Variants in THRA observed in about 807,000 individuals in gnomAD.
THRA encodes the protein EAR-7.
In THRA, 13 loss-of-function variants were observed where a neutral mutation model predicts 45.0. That is an observed-to-expected ratio of 0.29 (90% CI 0.19 to 0.46). The LOEUF (loss-of-function observed/expected upper bound fraction) is 0.46, where lower values mean the gene tolerates loss of function less well. Among genes scored for constraint, THRA ranks in the 20% least tolerant of loss-of-function variants. The pLI, the probability that THRA is intolerant of heterozygous loss-of-function variation, is 1.00. For synonymous variants in THRA, 195 were observed against 214.0 expected (o/e 0.91, Z 0.78); for missense variants, 278 against 556.1 (o/e 0.50, Z 5.03).
chr17:40,093,131 G>A, downstream of THRA: 1 of 1,614,130 alleles, frequency 6.2e-7, no homozygotes, highest in Non-Finnish European at 8.5e-7. The surrounding 1 kb of genome is among the most constrained non-coding windows in gnomAD (Gnocchi z 5.9). Context: ...AATGCATGTT[G>A]TTCAGGGTCC....
intron 1 of THRA, among the ~76,000 whole-genome samples, chr17:40,072,988 A>G (rs966361283): frequency 6.6e-6 from 1 of 152,156 alleles, no homozygotes; most frequent in Non-Finnish European, 1.5e-5. Context: ...TGCAATGCCC[A>G]TGCTCTCCAC....
At chr17:40,087,462 G>GAC (rs1030874673) in intron 7 of THRA, among the ~76,000 whole-genome samples, 3 of 150,006 alleles carry the variant, frequency 2.0e-5, no homozygotes, top group African/African-American at 4.9e-5. Context: ...GATACATACA[G>GAC]ACACACACAC....
chr17:40,084,026 T>A (rs771620733), intron 5 of THRA, 44 bp downstream of exon 5: 4 of 1,560,274 alleles, frequency 2.6e-6, no homozygotes, highest in South Asian at 1.2e-5. Flanking sequence ...TGGCCTGGGG[T>A]GGGGATGAGT....
chr17:40,077,400 A>G, intron 3 of THRA, 108 bp from the exon 4 acceptor site: 1 of 893,084 alleles, frequency 1.1e-6, no homozygotes, highest in Non-Finnish European at 1.8e-6. Flanking sequence ...AGGCTGGGCT[A>G]GGAGAGGGGT....
At chr17:40,081,332 C>T (rs1259054866) in intron 4 of THRA, among the ~76,000 whole-genome samples, 1 of 151,786 alleles carries the variant, frequency 6.6e-6, no homozygotes, top group Non-Finnish European at 1.5e-5. Flanking sequence ...CTCACTGCAG[C>T]CTTGACCTCC....
intron 1 of THRA, among the ~76,000 whole-genome samples, chr17:40,066,663 C>CAAAAAAA (rs553082902): frequency 2.0e-5 from 1 of 49,504 alleles, no homozygotes. Context: ...GACTCCGTCT[C>CAAAAAAA]AAAAAAAAAA....
rs146605509 is a variant in THRA, at chr17:40,086,993, G to GACACACACAC, written c.723+146_723+155dup. 5.7e-5 allele frequency: 60 copies of GACACACACAC among 1,047,462 alleles called. No homozygotes were observed. In the East Asian group the frequency reaches 1.5e-3, roughly 26 times the overall value. The allele number at this position is 1,047,462 out of a possible 1,614,324, so 64.9% of individuals were successfully genotyped here. On this transcript the variant is annotated intron_variant, in intron 7 of 8. Coordinates refer to ENST00000450525, the MANE Select transcript of THRA (RefSeq NM_199334.5). Reference sequence around the variant, plus strand: ...TCAACATACACAGATAACATACACAGACACACACACACACATGCATACACA... The same window carrying GACACACACAC: ...TCAACATACACAGATAACATACACAGACACACACACACACACACACACACATGCATACACA...
At chr17:40,076,022 T>C (rs1986941950) in intron 2 of THRA, among the ~76,000 whole-genome samples, 2 of 152,174 alleles carry the variant, frequency 1.3e-5, no homozygotes, top group African/African-American at 4.8e-5. Flanking sequence ...CTTGCATGCA[T>C]GTAGAGGGCT....
At position 40,088,227 on chromosome 17, in the gene THRA, C is replaced by G. The variant is rs370328265; in HGVS notation, c.724-15C>G. 4.5e-6 allele frequency: 7 copies of G among 1,570,326 alleles called. No homozygotes were observed. In the African/African-American group the frequency reaches 9.4e-5, roughly 21 times the overall value. Reference sequence around the variant, plus strand: ...GGGGTATGCTGAGTGCTCCTGTGGCCCTGCCGCTCCACAGCTGCCTTGCGA... The same window carrying G: ...GGGGTATGCTGAGTGCTCCTGTGGCGCTGCCGCTCCACAGCTGCCTTGCGA... On this transcript the variant is annotated splice_polypyrimidine_tract_variant and intron_variant, in intron 7 of 8. Coordinates refer to ENST00000450525, the MANE Select transcript of THRA (RefSeq NM_199334.5).
Position 40,089,513 on chromosome 17 carries a change from G to A in THRA, c.*57G>A. The stretch of plus-strand genomic sequence containing the variant: ...GGTGGGGAGGAGCCTGGAGAGAAGG[G>A]GCAGAGCTGGGGGCTGAGGGAGACC... On this transcript the variant is annotated 3_prime_UTR_variant, in exon 9 of 9. Transcript: ENST00000450525. This position sits in a 1 kb window ranked among gnomAD's most constrained non-coding sequence, Gnocchi z 6.1. 1 of 1,586,456 alleles carries A rather than the reference G, an allele frequency of 6.3e-7. No homozygotes were observed. Among genetic ancestry groups the A allele is most frequent in the Non-Finnish European group, 8.6e-7 (1 of 1,166,208 alleles).
intron 1 of THRA, among the ~76,000 whole-genome samples, chr17:40,066,707 A>G (rs1986586509): frequency 6.6e-6 from 1 of 150,782 alleles, no homozygotes; most frequent in African/African-American, 2.5e-5. Context: ...AGAACAAGGC[A>G]TTATCTATCA....
intron 1 of THRA, among the ~76,000 whole-genome samples, 154 bp downstream of exon 1, chr17:40,063,246 C>T (rs1419029439): frequency 6.6e-6 from 1 of 152,212 alleles, no homozygotes. Flanking sequence ...CCCAGTGACC[C>T]TGTCACGAGC....
intron 1 of THRA, among the ~76,000 whole-genome samples, chr17:40,067,454 C>T (rs888038333): frequency 3.9e-5 from 6 of 152,236 alleles, no homozygotes; most frequent in Admixed American, 2.6e-4. Flanking sequence ...TGATAGGCAC[C>T]AGATTCCCCT....
intron 7 of THRA, 133 bp from the exon 8 acceptor site, chr17:40,088,109 C>A: frequency 8.0e-7 from 1 of 1,252,730 alleles, no homozygotes; most frequent in Non-Finnish European, 1.1e-6. Flanking sequence ...TGCACATGGC[C>A]CAATACAAGG....
At chr17:40,083,092 A>G (rs1987203736) in intron 4 of THRA, among the ~76,000 whole-genome samples, 1 of 150,932 alleles carries the variant, frequency 6.6e-6, no homozygotes, top group Admixed American at 6.6e-5. Context: ...ATGCCCGGCT[A>G]TTTTTTTTGT....
At position 40,090,132 on chromosome 17, in the gene THRA, C is replaced by G; in HGVS notation, c.*676C>G. On this transcript the variant is annotated 3_prime_UTR_variant, in exon 9 of 9. Transcript: ENST00000450525. ...GAGGGGAGGACCCCCCCTTTACCAC[C>G]CCATGCACTTTGCGAGCTGCCCCTT... is the stretch of plus-strand genomic sequence containing the variant. 1.5e-6 allele frequency: 1 copy of G among 666,264 alleles called. No individual in the cohort carries two copies. The highest frequency in any genetic ancestry group is 1.9e-6 in the Non-Finnish European group (1 of 539,086). The allele number at this position is 666,264 out of a possible 1,614,324, so 41.3% of individuals were successfully genotyped here.
chr17:40,082,758 C>CCTTTTT (rs1389256940), intron 4 of THRA, among the ~76,000 whole-genome samples: 10 of 67,526 alleles, frequency 1.5e-4, no homozygotes, highest in Non-Finnish European at 2.0e-4. Context: ...GAATCGCATG[C>CCTTTTT]TTTTTTTTTT....
chr17:40,067,382 G>A (rs1042376473), intron 1 of THRA, among the ~76,000 whole-genome samples: 1 of 152,216 alleles, frequency 6.6e-6, no homozygotes, highest in African/African-American at 2.4e-5. Flanking sequence ...GCTCAAAGAG[G>A]AGGCAGTGCC....
Position 40,084,711 on chromosome 17 carries a change from C to T in THRA, c.472C>T (p.Pro158Ser), listed in dbSNP as rs775453871. The change falls in exon 6 of 9, where the codon CCA (proline) becomes TCA (serine). Residue 158 changes from proline to serine, a missense_variant. Pro to Ser is a moderately conservative substitution (Grantham distance 74, BLOSUM62 -1). Coordinates refer to ENST00000450525, the MANE Select transcript of THRA (RefSeq NM_199334.5). ...EEMIRSLQQR[P>S]EPTPEEWDLI... ...GATGATCCGATCACTGCAGCAGCGA[C>T]CAGAGCCCACTCCTGAAGAGTGGGA... The T allele has an allele frequency of 6.2e-7, 1 of 1,614,074 alleles. No homozygotes were observed. Among genetic ancestry groups the T allele is most frequent in the Non-Finnish European group, 8.5e-7 (1 of 1,180,012 alleles).
Sources: allele counts gnomAD v4.1 joint callset (sites outside exome capture counted in the v4.1 genomes callset), GRCh38; gene constraint gnomAD v4.1.1; non-coding constraint Gnocchi (gnomAD v3.1); transcripts MANE v1.5; gene names NCBI Gene and HGNC (gene_info 2026-07-23, HGNC 2026-07-21).